Variants in CEP63 observed in about 807,000 individuals in gnomAD.
CEP63 encodes the protein centrosomal protein of 63 kDa.
A neutral mutation model predicts 89.1 loss-of-function variants in CEP63; 84 were observed. The observed-to-expected ratio is 0.94, with a 90% confidence interval of 0.79 to 1.13. The LOEUF (loss-of-function observed/expected upper bound fraction) is 1.13, where lower values mean the gene tolerates loss of function less well. Among genes scored for constraint, CEP63 ranks in the 50% most tolerant of loss-of-function variants. The pLI is 0.00. For synonymous variants in CEP63, 267 were observed against 272.5 expected (o/e 0.98, Z 0.20); for missense variants, 838 against 813.3 (o/e 1.03, Z -0.37).
downstream of CEP63, among the ~76,000 whole-genome samples, chr3:134,569,178 T>A (rs1159816116): frequency 6.6e-6 from 1 of 152,198 alleles, no homozygotes; most frequent in Non-Finnish European, 1.5e-5. Flanking sequence ...CCAAACCACA[T>A]CATTCCACCC....
At chr3:134,496,167 C>A (rs1939851828) in intron 2 of CEP63, among the ~76,000 whole-genome samples, 1 of 149,294 alleles carries the variant, frequency 6.7e-6, no homozygotes, top group African/African-American at 2.5e-5. Flanking sequence ...ATGTTTGTGT[C>A]TTTTCTACAA....
At chr3:134,759,264 CTTA>C in the CEP63 span, among the ~76,000 whole-genome samples, 1 of 152,178 alleles carries the variant, frequency 6.6e-6, no homozygotes, top group Non-Finnish European at 1.5e-5. Flanking sequence ...GACCCTATGC[CTTA>C]TTATAAGATT....
chr3:134,523,785 A>G (rs1260239861), intron 3 of CEP63, among the ~76,000 whole-genome samples: 2 of 152,074 alleles, frequency 1.3e-5, no homozygotes, highest in African/African-American at 4.8e-5. Flanking sequence ...TGTTTTGGTT[A>G]CTGTAGCCCT....
the CEP63 span, among the ~76,000 whole-genome samples, chr3:134,625,344 G>A: frequency 6.6e-6 from 1 of 152,240 alleles, no homozygotes; most frequent in African/African-American, 2.4e-5. Context: ...AACTCCCATA[G>A]TCCTCTTAGA....
intron 6 of CEP63, among the ~76,000 whole-genome samples, chr3:134,540,460 T>C (rs1403426444): frequency 6.6e-6 from 1 of 152,218 alleles, no homozygotes; most frequent in Admixed American, 6.5e-5. Context: ...TGTATCAGAG[T>C]ACCTTCAAAT....
In CEP63 at chr3:134,545,792, AT is replaced by A. The variant is rs1338830152; in HGVS notation, c.764del (p.Leu255Ter). 3 of 1,613,738 alleles carry A rather than the reference AT, an allele frequency of 1.9e-6. No homozygotes were observed. In the East Asian group the frequency reaches 6.7e-5, roughly 36 times the overall value. On this transcript the variant is annotated frameshift_variant, in exon 7 of 15. Coordinates refer to ENST00000675561, the MANE Select transcript of CEP63 (RefSeq NM_001353108.3). LOFTEE classifies it high-confidence loss of function. ...AGGAGCAGCAGCAAAAAGAAGAAAA[AT>A]TGAGGGAATCTGAAAAACTATTAGA... is the stretch of plus-strand genomic sequence containing the variant. ...LQEQQQKEEK[L>X]RESEKLLEAL...
intron 1 of CEP63, among the ~76,000 whole-genome samples, chr3:134,493,731 T>C (rs1323701245): frequency 6.6e-6 from 1 of 152,216 alleles, no homozygotes; most frequent in Non-Finnish European, 1.5e-5. Flanking sequence ...GGCTCATTTT[T>C]TTCTGTCCCA....
At chr3:134,712,305 G>A in the CEP63 span, among the ~76,000 whole-genome samples, 3 of 151,900 alleles carry the variant, frequency 2.0e-5, no homozygotes, top group African/African-American at 7.3e-5. Flanking sequence ...TCTTTCCTCT[G>A]TGCTATCTTT....
chr3:134,523,726 C>T (rs1948017008), intron 3 of CEP63, among the ~76,000 whole-genome samples: 1 of 152,078 alleles, frequency 6.6e-6, no homozygotes, highest in Admixed American at 6.6e-5. Flanking sequence ...TCTGGGTTCT[C>T]TATTCTCTTC....
chr3:134,767,546 C>T, the CEP63 span, among the ~76,000 whole-genome samples: 4 of 152,316 alleles, frequency 2.6e-5, no homozygotes, highest in Non-Finnish European at 5.9e-5. Context: ...ATCCTATGCT[C>T]TGCCATTTTA....
chr3:134,612,796 T>TGTGTGTGG, the CEP63 span, among the ~76,000 whole-genome samples: 1 of 148,978 alleles, frequency 6.7e-6, no homozygotes, highest in African/African-American at 2.5e-5. Context: ...TGTGTGTGTG[T>TGTGTGTGG]TGCCTGCATG....
chr3:134,545,685 A>T lies in CEP63; in HGVS notation c.655A>T (p.Thr219Ser). Residue 219 changes from threonine to serine, a missense_variant, in exon 7 of 15, where the codon ACT becomes TCT. Physicochemically the swap from Thr to Ser is moderately conservative, Grantham distance 58. Coordinates refer to ENST00000675561, the MANE Select transcript of CEP63 (RefSeq NM_001353108.3). ...CAGTAAACTGGAGCGGGCTAATGAC[A>T]CTATCTGTGCCAATGAGTTGGAAAT... ...LSSKLERAND[T>S]ICANELEIER... 1 of 1,614,084 alleles carries T rather than the reference A, an allele frequency of 6.2e-7. No individual in the cohort carries two copies. Among genetic ancestry groups the T allele is most frequent in the South Asian group, 1.1e-5 (1 of 91,080 alleles).
chr3:134,587,758 C>G (rs185998668), exon 11 of CEP63, among the ~76,000 whole-genome samples: 1 of 152,000 alleles, frequency 6.6e-6, no homozygotes, highest in Admixed American at 6.6e-5. Flanking sequence ...CAGAAATCAC[C>G]TGTCTTCTCC....
At chr3:134,619,394 C>A in the CEP63 span, 1 of 700,054 alleles carries the variant, frequency 1.4e-6, no homozygotes, top group South Asian at 1.6e-5. Flanking sequence ...GGAACTACAG[C>A]CCCAGCACAA....
intron 1 of CEP63, among the ~76,000 whole-genome samples, chr3:134,489,582 A>G (rs558450813): frequency 6.6e-6 from 1 of 152,174 alleles, no homozygotes; most frequent in Non-Finnish European, 1.5e-5. Context: ...GTGGGGTTAT[A>G]TTGCCTGTAT....
the CEP63 span, among the ~76,000 whole-genome samples, chr3:134,645,621 A>G: frequency 6.6e-6 from 1 of 152,244 alleles, no homozygotes; most frequent in Non-Finnish European, 1.5e-5. Context: ...TGAAAAATAA[A>G]TGAAATTTCG....
chr3:134,604,171 T>C, the CEP63 span: 1 of 1,609,862 alleles, frequency 6.2e-7, no homozygotes, highest in Admixed American at 1.7e-5. Flanking sequence ...GTGGGAGGGC[T>C]TCATGATGCC....
chr3:134,522,120 TA>T (rs1332419245), intron 3 of CEP63, among the ~76,000 whole-genome samples: 1 of 152,234 alleles, frequency 6.6e-6, no homozygotes, highest in Non-Finnish European at 1.5e-5. Context: ...TGCCTGGAGA[TA>T]ATTTTTACTG....
the CEP63 span, among the ~76,000 whole-genome samples, chr3:134,646,058 G>C: frequency 6.6e-6 from 1 of 152,174 alleles, no homozygotes; most frequent in African/African-American, 2.4e-5. Flanking sequence ...GTTTCCACCT[G>C]TGGCTTGCTT....
Sources: allele counts gnomAD v4.1 joint callset (sites outside exome capture counted in the v4.1 genomes callset), GRCh38; gene constraint gnomAD v4.1.1; transcripts MANE v1.5; gene names NCBI Gene and HGNC (gene_info 2026-07-23, HGNC 2026-07-21).